ADK: variants seen among roughly 807,000 people sequenced by gnomAD.
The protein encoded by ADK is N6,N6-dimethyladenosine kinase.
In ADK, 24 loss-of-function variants were observed where a neutral mutation model predicts 44.7. The observed-to-expected ratio is 0.54, with a 90% CI of 0.39 to 0.76. ADK has a LOEUF of 0.76. ADK is among the 30% of genes least tolerant of loss of function. The pLI, the probability that ADK is intolerant of heterozygous loss-of-function variation, is 0.00. For synonymous variants in ADK, 128 were observed against 142.6 expected, an observed-to-expected ratio of 0.90 and a Z score of 0.73; for missense variants, 321 against 425.1, an observed-to-expected ratio of 0.76 and a Z score of 2.15.
intron 4 of ADK, chr10:74,372,066 C>T (rs1842677932): frequency 2.6e-6 from 2 of 757,480 alleles, no homozygotes; most frequent in African/African-American, 3.4e-5. Flanking sequence ...GTGGTGGATG[C>T]CAGCCCGGGA....
In ADK at chr10:74,200,780, G is replaced by C; in HGVS notation, c.82G>C (p.Gly28Arg). ...TTTTTTTAGAGAAAATATTCTCTTTGGAATGGGAAATCCTCTGCTTGACAT... is the reference window on the plus strand; with the variant it reads ...TTTTTTTAGAGAAAATATTCTCTTTCGAATGGGAAATCCTCTGCTTGACAT... ...PQALRENILFGMGNPLLDISA... is the reference protein window; with the variant it reads ...PQALRENILFRMGNPLLDISA... The change falls in exon 2 of 11, where the codon GGA becomes CGA. Residue 28 changes from glycine (G) to arginine (R), a missense_variant. Coordinates refer to ENST00000539909, the MANE Select transcript of ADK (RefSeq NM_006721.4). 2 of 1,610,624 alleles carry C rather than the reference G, an allele frequency of 1.2e-6. No homozygotes were observed. Among genetic ancestry groups the C allele is most frequent in the Non-Finnish European group, 1.7e-6 (2 of 1,177,500 alleles).
At chr10:74,267,376 G>A (rs1229822411) in intron 3 of ADK, among the ~76,000 whole-genome samples, 1 of 152,174 alleles carries the variant, frequency 6.6e-6, no homozygotes, top group Non-Finnish European at 1.5e-5. Flanking sequence ...TTTAGTATGT[G>A]TGCATTTTGG....
intron 3 of ADK, among the ~76,000 whole-genome samples, chr10:74,231,947 G>T (rs1177272468): frequency 4.0e-5 from 6 of 150,948 alleles, no homozygotes; most frequent in Admixed American, 4.0e-4. Flanking sequence ...TTTCTTTGCT[G>T]CTTTTTTTTG....
At chr10:74,332,587 A>T (rs1228552454) in intron 4 of ADK, among the ~76,000 whole-genome samples, 1 of 152,186 alleles carries the variant, frequency 6.6e-6, no homozygotes, top group Admixed American at 6.5e-5. Flanking sequence ...GCTTTTTTAG[A>T]GTTAGGCAAG....
chr10:74,381,475 T>C (rs929614331), intron 4 of ADK, among the ~76,000 whole-genome samples: 3 of 152,172 alleles, frequency 2.0e-5, no homozygotes, highest in Non-Finnish European at 4.4e-5. Context: ...GCTTTTATAG[T>C]GGAAGAGAAC....
At chr10:74,463,584 C>T (rs1403063699) in intron 6 of ADK, among the ~76,000 whole-genome samples, 1 of 152,210 alleles carries the variant, frequency 6.6e-6, no homozygotes, top group Non-Finnish European at 1.5e-5. Flanking sequence ...TTCACTTGCA[C>T]ATCTGGCACT....
At chr10:74,480,383 C>T (rs1427605750) in intron 6 of ADK, among the ~76,000 whole-genome samples, 1 of 151,992 alleles carries the variant, frequency 6.6e-6, no homozygotes, top group East Asian at 1.9e-4. Flanking sequence ...CATGTGCCAC[C>T]ATACCTGGCT....
At position 74,222,544 on chromosome 10, in the gene ADK, A is replaced by G. The variant is rs370250546; in HGVS notation, c.141-1994A>G. ...CCAAAGGACTATAAATCATGCTGCT[A>G]TAAAGACACATGCACACGTTTGTTT... On this transcript the variant is annotated intron_variant, in intron 2 of 10. Coordinates refer to ENST00000539909, the MANE Select transcript of ADK (RefSeq NM_006721.4). Among the ~76,000 whole-genome samples, 8 of 152,290 alleles carry G rather than the reference A, an allele frequency of 5.3e-5. No individual in the cohort carries two copies. In the East Asian group the frequency reaches 9.6e-4, roughly 18 times the overall value.
chr10:74,515,248 T>C (rs1443113337), intron 6 of ADK, among the ~76,000 whole-genome samples: 1 of 152,226 alleles, frequency 6.6e-6, no homozygotes, highest in East Asian at 1.9e-4. Context: ...TCCACTCTAG[T>C]GGCATTTGTG....
At chr10:74,489,247 A>G (rs926727075) in intron 6 of ADK, among the ~76,000 whole-genome samples, 5 of 151,990 alleles carry the variant, frequency 3.3e-5, no homozygotes, top group Admixed American at 1.3e-4. Context: ...AAGTTCTCCA[A>G]TGTAGAAGGG....
chr10:74,262,130 C>A (rs964499876), intron 3 of ADK, among the ~76,000 whole-genome samples: 1 of 151,936 alleles, frequency 6.6e-6, no homozygotes, highest in African/African-American at 2.4e-5. Flanking sequence ...ACCAGCCTGG[C>A]CAACATGGCG....
chr10:74,662,804 T>G (rs1459958947), intron 9 of ADK, among the ~76,000 whole-genome samples: 1 of 152,228 alleles, frequency 6.6e-6, no homozygotes, highest in East Asian at 1.9e-4. Context: ...GGCTTGTTCC[T>G]TCTTACCCTT....
chr10:74,690,557 C>T (rs763779689), intron 10 of ADK, among the ~76,000 whole-genome samples: 4 of 152,126 alleles, frequency 2.6e-5, no homozygotes, highest in Admixed American at 6.6e-5. Flanking sequence ...TTGTCTTTCC[C>T]GCTGTGTCCC....
intron 1 of ADK, among the ~76,000 whole-genome samples, chr10:74,155,821 C>T (rs535455282): frequency 2.6e-4 from 39 of 152,292 alleles, no homozygotes; most frequent in Non-Finnish European, 4.3e-4. Context: ...GGTGAGCCAC[C>T]GTGCCCGGCG....
intron 1 of ADK, among the ~76,000 whole-genome samples, chr10:74,171,765 C>T (rs1017118421): frequency 6.6e-6 from 1 of 151,224 alleles, no homozygotes; most frequent in Non-Finnish European, 1.5e-5. Context: ...TTACTCAGTA[C>T]TCTCTCTCTC....
At chr10:74,668,060 G>A (rs1396320263) in intron 9 of ADK, among the ~76,000 whole-genome samples, 1 of 152,080 alleles carries the variant, frequency 6.6e-6, no homozygotes, top group Non-Finnish European at 1.5e-5. Flanking sequence ...TTATAGACAT[G>A]TTAGATTATT....
In ADK at chr10:74,427,689, G is replaced by A. The variant is rs576055559; in HGVS notation, c.555+29110G>A. Among the ~76,000 whole-genome samples, 10 of 151,656 alleles carry A rather than the reference G, an allele frequency of 6.6e-5. No individual in the cohort carries two copies. The South Asian group carries it at 2.1e-3, about 32-fold the overall frequency. On this transcript the variant is annotated intron_variant, in intron 6 of 10. Transcript: ENST00000539909. Reference sequence around the variant, plus strand: ...GACATTTCTGTGTGTGTATGTATCTGTTGATGTGTGTGCATGTATTTTTGT... The same window carrying A: ...GACATTTCTGTGTGTGTATGTATCTATTGATGTGTGTGCATGTATTTTTGT...
chr10:74,650,284 A>G (rs767846524), intron 9 of ADK, among the ~76,000 whole-genome samples: 2 of 152,004 alleles, frequency 1.3e-5, no homozygotes, highest in African/African-American at 2.4e-5. Flanking sequence ...GCCGGGTGTC[A>G]TGGCCGGCGT....
intron 4 of ADK, among the ~76,000 whole-genome samples, chr10:74,364,704 G>T (rs866774785): frequency 2.0e-4 from 22 of 112,816 alleles, no homozygotes; most frequent in South Asian, 5.4e-4. Context: ...GTGTGTGTGT[G>T]TGTGTGTGTG....
Sources: allele counts gnomAD v4.1 joint callset (sites outside exome capture counted in the v4.1 genomes callset), GRCh38; gene constraint gnomAD v4.1.1; transcripts MANE v1.5; gene names NCBI Gene and HGNC (gene_info 2026-07-23, HGNC 2026-07-21).